The following MAGI2 variants were observed in gnomAD, a reference collection of about 807,000 sequenced individuals.
MAGI2 encodes the protein membrane-associated guanylate kinase, WW and PDZ domain-containing protein 2.
In MAGI2, 35 loss-of-function variants were observed where a neutral mutation model predicts 133.3. The ratio of observed to expected loss-of-function variants is 0.26; its 90% confidence interval spans 0.20 to 0.35. The LOEUF (loss-of-function observed/expected upper bound fraction) is 0.35. Among genes scored for constraint, MAGI2 ranks in the 10% least tolerant of loss-of-function variants. The pLI, the probability that MAGI2 is intolerant of heterozygous loss-of-function variation, is 1.00. For synonymous variants in MAGI2, 729 were observed against 710.6 expected (o/e 1.03, Z -0.41); for missense variants, 1,636 against 1,863.4 (o/e 0.88, Z 2.25).
chr7:78,257,865 G>A (rs1048087369), intron 9 of MAGI2, among the ~76,000 whole-genome samples: 1 of 152,126 alleles, frequency 6.6e-6, no homozygotes, highest in Non-Finnish European at 1.5e-5. Context: ...TTCTGGAATG[G>A]GAGGTACAAA....
chr7:79,058,887 T>C lies in MAGI2; in HGVS notation c.302-51681A>G, dbSNP rs189424817. On this transcript the variant is annotated intron_variant, in intron 1 of 21. Transcript: ENST00000354212. Reference sequence around the variant, plus strand: ...TACTTTTCCTCTCTAATCTTTAGTGTCCTTATGAGTAGATAAGGGACAAAT... The same window carrying C: ...TACTTTTCCTCTCTAATCTTTAGTGCCCTTATGAGTAGATAAGGGACAAAT... 4.3e-3 allele frequency among the ~76,000 whole-genome samples: 654 copies of C among 152,232 alleles called. 12 individuals are homozygous for C. Among genetic ancestry groups the C allele is most frequent in the Non-Finnish European group, 1.6e-3 (110 of 67,980 alleles).
chr7:79,230,156 G>A (rs1831237211), intron 1 of MAGI2, among the ~76,000 whole-genome samples: 1 of 151,290 alleles, frequency 6.6e-6, no homozygotes, highest in African/African-American at 2.4e-5. Context: ...ATTCCATGGT[G>A]TATATGTGCC....
At chr7:79,300,786 C>T (rs917222242) in intron 1 of MAGI2, among the ~76,000 whole-genome samples, 6 of 152,204 alleles carry the variant, frequency 3.9e-5, no homozygotes, top group Non-Finnish European at 8.8e-5. Context: ...TGTGGCAGCC[C>T]ATCACATCAC....
chr7:78,864,826 A>C (rs1160273541), intron 2 of MAGI2, among the ~76,000 whole-genome samples: 1 of 152,106 alleles, frequency 6.6e-6, no homozygotes, highest in Non-Finnish European at 1.5e-5. Context: ...TCAAATTTTT[A>C]ATGGAAGTTT....
chr7:78,241,695 G>A (rs145223646), intron 10 of MAGI2, among the ~76,000 whole-genome samples: 2,207 of 152,286 alleles, frequency 0.014, 61 homozygotes, highest in African/African-American at 0.05. Flanking sequence ...CACTTTGGGA[G>A]GGTGAGGTGG....
At chr7:78,302,239 C>A (rs1464955476) in intron 9 of MAGI2, among the ~76,000 whole-genome samples, 3 of 152,184 alleles carry the variant, frequency 2.0e-5, no homozygotes, top group African/African-American at 7.2e-5. Flanking sequence ...CTTATTCAGT[C>A]ATATGCCAAA....
intron 6 of MAGI2, among the ~76,000 whole-genome samples, chr7:78,384,597 C>G (rs530117728): frequency 2.0e-5 from 3 of 152,090 alleles, no homozygotes; most frequent in Non-Finnish European, 4.4e-5. Flanking sequence ...TGAATTTACA[C>G]AACAGAACTT....
intron 20 of MAGI2, among the ~76,000 whole-genome samples, chr7:78,095,099 G>A (rs919319486): frequency 1.1e-4 from 17 of 152,196 alleles, no homozygotes; most frequent in African/African-American, 4.1e-4. Flanking sequence ...TCTTAATCAA[G>A]TGCTTACTTT....
chr7:78,971,173 CAGTA>C (rs1803756623), intron 2 of MAGI2, among the ~76,000 whole-genome samples: 1 of 152,022 alleles, frequency 6.6e-6, no homozygotes, highest in Admixed American at 6.6e-5. Flanking sequence ...CTCCTGAAAT[CAGTA>C]AGTGTGTTTA....
At chr7:78,416,259 C>T (rs1417769996) in intron 6 of MAGI2, among the ~76,000 whole-genome samples, 1 of 151,866 alleles carries the variant, frequency 6.6e-6, no homozygotes, top group African/African-American at 2.4e-5. Flanking sequence ...AGGCAGGTGC[C>T]ATAGGATAGG....
intron 18 of MAGI2, among the ~76,000 whole-genome samples, chr7:78,128,275 T>C (rs747835766): frequency 3.9e-5 from 6 of 152,156 alleles, no homozygotes; most frequent in Non-Finnish European, 7.4e-5. Context: ...TCAAAAGAAA[T>C]AGCCAATCCC....
chr7:78,527,031 A>G (rs1473621890), intron 3 of MAGI2, among the ~76,000 whole-genome samples: 1 of 148,890 alleles, frequency 6.7e-6, no homozygotes, highest in African/African-American at 2.5e-5. Flanking sequence ...AAAAAAAAAA[A>G]AAAGAAAAAG....
chr7:78,366,010 A>G (rs747806412), intron 7 of MAGI2, among the ~76,000 whole-genome samples: 40 of 152,298 alleles, frequency 2.6e-4, no homozygotes, highest in Non-Finnish European at 4.3e-4. Context: ...TCTTGTGTCC[A>G]TGCACGTAAG....
chr7:78,535,024 T>C (rs1797765567), intron 3 of MAGI2, among the ~76,000 whole-genome samples: 1 of 152,056 alleles, frequency 6.6e-6, no homozygotes, highest in South Asian at 2.1e-4. Context: ...TCCCAGCTAC[T>C]TGGGAGGCTG....
In MAGI2 at chr7:79,151,190, C is replaced by T. The variant is rs111382293; in HGVS notation, c.302-143984G>A. 9.2e-5 allele frequency among the ~76,000 whole-genome samples: 14 copies of T among 152,188 alleles called. 1 individual carries two copies. The highest frequency in any genetic ancestry group is 3.4e-4 in the African/African-American group (14 of 41,548). On this transcript the variant is annotated intron_variant, in intron 1 of 21. Transcript: ENST00000354212. ...TAGATCATTCAAGAAATATATCATT[C>T]AAGAAATGCTTTTTTATTACATAAC...
At chr7:79,443,079 C>T (rs1057322089) in intron 1 of MAGI2, among the ~76,000 whole-genome samples, 23 of 152,026 alleles carry the variant, frequency 1.5e-4, no homozygotes, top group African/African-American at 4.6e-4. Context: ...CAAGACCAGC[C>T]TGGCCAACAT....
intron 1 of MAGI2, among the ~76,000 whole-genome samples, chr7:79,134,190 C>T (rs1821178703): frequency 6.6e-6 from 1 of 152,026 alleles, no homozygotes; most frequent in African/African-American, 2.4e-5. Context: ...CTCTAGGTAC[C>T]TACTTTATCT....
intron 9 of MAGI2, among the ~76,000 whole-genome samples, chr7:78,317,544 C>T (rs559467582): frequency 1.1e-4 from 17 of 152,334 alleles, no homozygotes; most frequent in East Asian, 7.7e-4. Flanking sequence ...TGGGGGAAGG[C>T]GCGGCTGTGG....
intron 6 of MAGI2, among the ~76,000 whole-genome samples, chr7:78,472,581 G>T (rs969155409): frequency 1.3e-5 from 2 of 152,096 alleles, no homozygotes; most frequent in African/African-American, 4.8e-5. Flanking sequence ...ATTCTTTAGG[G>T]AATACTGTAT....
Sources: gnomAD v4.1 joint callset for allele counts (sites outside exome capture counted in the v4.1 genomes callset) on GRCh38, gnomAD v4.1.1 for gene constraint, MANE v1.5 for transcripts, NCBI Gene and HGNC (gene_info 2026-07-23, HGNC 2026-07-21) for gene names.